Variants in CNTNAP2 observed in about 807,000 individuals in gnomAD.
CNTNAP2 encodes contactin associated protein 2, also known as contactin-associated protein-like 2.
A neutral mutation model predicts 155.2 loss-of-function variants in CNTNAP2; 98 were observed. The observed-to-expected ratio is 0.63, with a 90% CI of 0.54 to 0.75. The LOEUF (loss-of-function observed/expected upper bound fraction) is 0.75. Ranked by LOEUF, CNTNAP2 falls within the 30% of genes least tolerant of loss-of-function variation. CNTNAP2 has a pLI of 0.00. For synonymous variants in CNTNAP2, 651 were observed against 631.2 expected, an observed-to-expected ratio of 1.03 and a Z score of -0.47; for missense variants, 1,727 against 1,688.1, an observed-to-expected ratio of 1.02 and a Z score of -0.40.
At chr7:147,259,571 A>G (rs1304136985) in intron 8 of CNTNAP2, among the ~76,000 whole-genome samples, 1 of 152,200 alleles carries the variant, frequency 6.6e-6, no homozygotes, top group Non-Finnish European at 1.5e-5. Flanking sequence ...GTGAAATTCA[A>G]ACGTAATTTT....
At chr7:148,275,958 G>A (rs1276973027) in intron 21 of CNTNAP2, among the ~76,000 whole-genome samples, 1 of 152,124 alleles carries the variant, frequency 6.6e-6, no homozygotes, top group Non-Finnish European at 1.5e-5. Context: ...TGTGCTATGA[G>A]AGAAATTTGA....
chr7:147,112,668 A>G (rs1370754873), intron 5 of CNTNAP2, among the ~76,000 whole-genome samples: 1 of 152,194 alleles, frequency 6.6e-6, no homozygotes, highest in African/African-American at 2.4e-5. Flanking sequence ...GTGATTAATC[A>G]CATTTATTGA....
At chr7:148,344,066 G>A (rs1474191140) in intron 21 of CNTNAP2, among the ~76,000 whole-genome samples, 3 of 152,158 alleles carry the variant, frequency 2.0e-5, no homozygotes, top group Admixed American at 6.5e-5. Flanking sequence ...AGCGTTGTCC[G>A]GGGCAAACCT....
chr7:146,783,333 T>C lies in CNTNAP2; in HGVS notation c.208+8952T>C, dbSNP rs544332502. ...TTTTAAATACAACTTTTCAAAGATT[T>C]CTTCTGAAGACCTCACAGATTTCAT... On this transcript the variant is annotated intron_variant, in intron 2 of 23. Transcript: ENST00000361727. 1.2e-4 allele frequency among the ~76,000 whole-genome samples: 18 copies of C among 152,316 alleles called. No individual in the cohort carries two copies. The South Asian group carries it at 3.5e-3, about 30-fold the overall frequency.
intron 16 of CNTNAP2, among the ~76,000 whole-genome samples, chr7:148,121,155 C>A (rs1267101308): frequency 6.6e-6 from 1 of 152,138 alleles, no homozygotes; most frequent in Admixed American, 6.5e-5. Context: ...CTGCCTCAGC[C>A]TCCCGAGTAG....
chr7:146,380,691 CTTTG>C (rs894263450), intron 1 of CNTNAP2, among the ~76,000 whole-genome samples: 47 of 139,564 alleles, frequency 3.4e-4, no homozygotes, highest in African/African-American at 1.2e-3. Context: ...ACAAATTATT[CTTTG>C]TTTGTATCAT....
chr7:148,332,853 A>G lies in CNTNAP2; in HGVS notation c.3476-50796A>G, dbSNP rs371942916. The stretch of plus-strand genomic sequence containing the variant: ...TGTAGAACAGCTTGTCAATGTAATC[A>G]TTTTACTATAAATCTGCAAAAAAAG... On this transcript the variant is annotated intron_variant, in intron 21 of 23. Coordinates refer to ENST00000361727, the MANE Select transcript of CNTNAP2 (RefSeq NM_014141.6). Among the ~76,000 whole-genome samples, 8 of 152,304 alleles carry G rather than the reference A, an allele frequency of 5.3e-5. No homozygotes were observed. The South Asian group carries it at 1.7e-3, about 32-fold the overall frequency.
intron 22 of CNTNAP2, among the ~76,000 whole-genome samples, chr7:148,404,533 G>A (rs779045766): frequency 2.0e-5 from 3 of 152,312 alleles, no homozygotes; most frequent in Non-Finnish European, 2.9e-5. Context: ...TTTGCGGGAC[G>A]GCGAGCACAC....
rs368466218 is a variant in CNTNAP2, at chr7:146,440,445, T to A, written c.97+323472T>A. 1.1e-4 allele frequency among the ~76,000 whole-genome samples: 16 copies of A among 151,620 alleles called. No individual in the cohort carries two copies. In the East Asian group the frequency reaches 2.5e-3, roughly 24 times the overall value. ...CATTCAACTTAAAATCCAAAGAGTG[T>A]AATGAAAGCCCTTAAGATAATGACT... On this transcript the variant is annotated intron_variant, in intron 1 of 23. Coordinates refer to ENST00000361727, the MANE Select transcript of CNTNAP2 (RefSeq NM_014141.6).
intron 1 of CNTNAP2, among the ~76,000 whole-genome samples, chr7:146,156,945 G>C (rs1292958348): frequency 1.3e-5 from 2 of 152,154 alleles, no homozygotes; most frequent in African/African-American, 4.8e-5. Context: ...AACTTACTAA[G>C]AGTTCATTGA....
At chr7:147,315,633 C>T (rs895644962) in intron 9 of CNTNAP2, among the ~76,000 whole-genome samples, 1 of 151,890 alleles carries the variant, frequency 6.6e-6, no homozygotes, top group Non-Finnish European at 1.5e-5. Context: ...AGGAGCCCGC[C>T]ACACGCCCGG....
At chr7:147,468,260 T>C (rs4725726) in intron 10 of CNTNAP2, among the ~76,000 whole-genome samples, 121,431 of 152,132 alleles carry the variant, frequency 0.8, 49,114 homozygotes, top group African/African-American at 0.94. Flanking sequence ...TACAGTCCAG[T>C]CTGAGAAAGA....
intron 21 of CNTNAP2, among the ~76,000 whole-genome samples, chr7:148,303,706 G>A (rs553184495): frequency 6.6e-6 from 1 of 152,332 alleles, no homozygotes; most frequent in Admixed American, 6.5e-5. Flanking sequence ...TCTGGAAATT[G>A]TCCTTATTGT....
chr7:146,573,324 G>A (rs1046742852), intron 1 of CNTNAP2, among the ~76,000 whole-genome samples: 2 of 152,036 alleles, frequency 1.3e-5, no homozygotes, highest in Non-Finnish European at 2.9e-5. Context: ...TGTATTTTTA[G>A]TAGAGACAGG....
At position 148,069,503 on chromosome 7, in the gene CNTNAP2, C is replaced by T. The variant is rs759047191; in HGVS notation, c.2384-48615C>T. Among the ~76,000 whole-genome samples, 35 of 152,110 alleles carry T rather than the reference C, an allele frequency of 2.3e-4. 2 individuals are homozygous for T. The highest frequency in any genetic ancestry group is 8.8e-5 in the Non-Finnish European group (6 of 68,012). On this transcript the variant is annotated intron_variant, in intron 15 of 23. Coordinates refer to ENST00000361727, the MANE Select transcript of CNTNAP2 (RefSeq NM_014141.6). The stretch of plus-strand genomic sequence containing the variant: ...CGAGGCCGGGCACGGTGGCTCACAC[C>T]TGTAATTCCAGCACTTTGGGAGGCC...
intron 13 of CNTNAP2, among the ~76,000 whole-genome samples, chr7:147,898,158 G>A (rs929041945): frequency 2.0e-5 from 3 of 152,336 alleles, no homozygotes; most frequent in South Asian, 4.1e-4. Context: ...CAAGAAATTT[G>A]TTTGGAGGGA....
intron 21 of CNTNAP2, among the ~76,000 whole-genome samples, chr7:148,362,246 C>T (rs1341182696): frequency 6.6e-6 from 1 of 151,900 alleles, no homozygotes; most frequent in Non-Finnish European, 1.5e-5. Flanking sequence ...TGAGAACTCA[C>T]TATCACGAGA....
intron 16 of CNTNAP2, chr7:148,133,885 T>A (rs1327882478): frequency 6.6e-6 from 1 of 152,160 alleles, no homozygotes; most frequent in Non-Finnish European, 1.5e-5. Flanking sequence ...AGATGCAGCA[T>A]TTGATTTGCA....
intron 1 of CNTNAP2, among the ~76,000 whole-genome samples, chr7:146,163,585 C>CTATCTATATATATATATA (rs1354076042): frequency 4.2e-4 from 38 of 91,214 alleles, no homozygotes; most frequent in African/African-American, 1.5e-3. Flanking sequence ...ATCTATCTAT[C>CTATCTATATATATATATA]TATATATATA....
Sources: allele counts gnomAD v4.1 joint callset (sites outside exome capture counted in the v4.1 genomes callset), GRCh38; gene constraint gnomAD v4.1.1; transcripts MANE v1.5; gene names NCBI Gene and HGNC (gene_info 2026-07-23, HGNC 2026-07-21).